ABLIM3: variants seen among roughly 807,000 people sequenced by gnomAD.
ABLIM3 encodes the protein actin-binding LIM protein 3.
Under a neutral mutation model 109.5 loss-of-function variants are expected in ABLIM3, and 61 were observed. The observed-to-expected ratio is 0.56, with a 90% CI of 0.45 to 0.69. The LOEUF is 0.69. Among genes scored for constraint, ABLIM3 ranks in the 30% least tolerant of loss-of-function variants. ABLIM3 has a pLI of 0.00. For synonymous variants in ABLIM3, 300 were observed against 324.8 expected (o/e 0.92, Z 0.82); for missense variants, 796 against 889.5 (o/e 0.89, Z 1.34).
At chr5:149,220,670 G>A (rs1273425175) in intron 8 of ABLIM3, 1 of 152,176 alleles carries the variant, frequency 6.6e-6, no homozygotes, top group Non-Finnish European at 1.5e-5. Context: ...AGAAAACCCT[G>A]CTCCTGGGTA....
chr5:149,175,060 A>G (rs1755800391), intron 2 of ABLIM3, among the ~76,000 whole-genome samples: 1 of 152,218 alleles, frequency 6.6e-6, no homozygotes, highest in Admixed American at 6.5e-5. Flanking sequence ...AGCAGTGACA[A>G]GAGAGTATGT....
intron 8 of ABLIM3, 62 bp downstream of exon 8, chr5:149,217,108 A>G: frequency 1.4e-6 from 2 of 1,458,466 alleles, no homozygotes; most frequent in Admixed American, 3.5e-5. Flanking sequence ...AGGAGATGCG[A>G]TCTTCAGGTT....
At chr5:149,154,055 AG>A (rs1352959870) in intron 2 of ABLIM3, among the ~76,000 whole-genome samples, 1 of 152,234 alleles carries the variant, frequency 6.6e-6, no homozygotes, top group Non-Finnish European at 1.5e-5. Flanking sequence ...CCAGGCCAGC[AG>A]GGCCGATGAA....
At chr5:149,206,939 G>A (rs1371696828) in intron 5 of ABLIM3, 69 bp from the exon 6 acceptor site, 27 of 1,560,356 alleles carry the variant, frequency 1.7e-5, no homozygotes, top group Middle Eastern at 1.7e-4. Context: ...TTTCCTTGAC[G>A]TGGGCCTGAG....
At chr5:149,146,716 A>G (rs1210421048) in intron 2 of ABLIM3, among the ~76,000 whole-genome samples, 1 of 152,198 alleles carries the variant, frequency 6.6e-6, no homozygotes, top group African/African-American at 2.4e-5. Flanking sequence ...TGGTTACTGT[A>G]GCCTTATAAT....
Position 149,142,041 on chromosome 5 carries a change from A to T in ABLIM3, c.-55A>T, listed in dbSNP as rs373338107. ...GTGAGGTTCGAAGAACGGAAGATTT[A>T]AAAAGCAGCCGGGGCCTCCGTATTG... On this transcript the variant is annotated 5_prime_UTR_variant, in exon 2 of 24. Coordinates refer to ENST00000309868, the MANE Select transcript of ABLIM3 (RefSeq NM_014945.5). 6.2e-7 allele frequency: 1 copy of T among 1,613,938 alleles called. No homozygotes were observed. Among genetic ancestry groups the T allele is most frequent in the Non-Finnish European group, 8.5e-7 (1 of 1,179,950 alleles).
At chr5:149,174,001 A>G (rs560433506) in intron 2 of ABLIM3, among the ~76,000 whole-genome samples, 92 of 148,446 alleles carry the variant, frequency 6.2e-4, no homozygotes, top group African/African-American at 2.1e-3. Flanking sequence ...CAGCCTGGGC[A>G]ACAGAGCGAG....
chr5:149,208,903 T>C (rs962213236), intron 6 of ABLIM3, among the ~76,000 whole-genome samples: 5 of 152,154 alleles, frequency 3.3e-5, no homozygotes, highest in Non-Finnish European at 7.4e-5. Flanking sequence ...GAGAGTTCCA[T>C]GGAAGGTGGG....
chr5:149,172,597 G>A (rs1432741438), intron 2 of ABLIM3, among the ~76,000 whole-genome samples: 1 of 152,198 alleles, frequency 6.6e-6, no homozygotes, highest in African/African-American at 2.4e-5. Context: ...TCATCTATCT[G>A]TCTGGATGCA....
chr5:149,240,417 G>A lies in ABLIM3; in HGVS notation c.1205-259G>A, dbSNP rs184279890. On this transcript the variant is annotated intron_variant, in intron 13 of 23. Transcript: ENST00000309868. ...GTTCAAACTAACATGCCTTCCTGGA[G>A]CTCAGTAGAGTTGATCTTTACATCT... is the stretch of plus-strand genomic sequence containing the variant. 8.5e-5 allele frequency: 46 copies of A among 540,758 alleles called. 1 individual carries two copies. In the East Asian group the frequency reaches 9.3e-4, roughly 11 times the overall value. The allele number at this position is 540,758 out of a possible 1,614,324, so 33.5% of individuals were successfully genotyped here.
At chr5:149,238,223 G>A (rs900777166) in intron 11 of ABLIM3, among the ~76,000 whole-genome samples, 3 of 152,168 alleles carry the variant, frequency 2.0e-5, no homozygotes, top group African/African-American at 7.2e-5. Flanking sequence ...AGGGTTGGGG[G>A]CAGAATTACC....
chr5:149,147,363 A>G lies in ABLIM3; in HGVS notation c.13+5255A>G, dbSNP rs1213636643. Among the ~76,000 whole-genome samples the G allele has an allele frequency of 2.6e-5, 4 of 152,090 alleles. 1 individual carries two copies. Among genetic ancestry groups the G allele is most frequent in the Admixed American group, 1.3e-4 (2 of 15,270 alleles). The stretch of plus-strand genomic sequence containing the variant: ...TTCATTCCGTTTATGTGGCGAATCA[A>G]TTTATTGATTTGTGTATATTGAACC... On this transcript the variant is annotated intron_variant, in intron 2 of 23. Transcript: ENST00000309868.
chr5:149,150,997 G>T (rs1753379906), intron 2 of ABLIM3, among the ~76,000 whole-genome samples: 1 of 152,194 alleles, frequency 6.6e-6, no homozygotes, highest in Non-Finnish European at 1.5e-5. Flanking sequence ...CATAACAAAG[G>T]TTTCTGAAAT....
chr5:149,258,554 G>A lies in ABLIM3; in HGVS notation c.*150G>A, dbSNP rs553943882. Reference sequence around the variant, plus strand: ...TACTGTCAGGCAAGCCCACGTCATCGAGATATTTTTATGCTCCTTACTTTC... The same window carrying A: ...TACTGTCAGGCAAGCCCACGTCATCAAGATATTTTTATGCTCCTTACTTTC... On this transcript the variant is annotated 3_prime_UTR_variant, in exon 24 of 24. Transcript: ENST00000309868. 249 of 1,394,462 alleles carry A rather than the reference G, an allele frequency of 1.8e-4. 1 individual carries two copies. The highest frequency in any genetic ancestry group is 1.3e-3 in the Middle Eastern group (5 of 3,762). 86.4% of individuals were successfully genotyped at this position (1,394,462 alleles called of 1,614,324 possible).
At chr5:149,248,076 G>A (rs1404092020) in intron 18 of ABLIM3, 147 bp downstream of exon 18, 1 of 1,032,754 alleles carries the variant, frequency 9.7e-7, no homozygotes, top group Non-Finnish European at 1.4e-6. Context: ...CCTGTGGTGG[G>A]TGACTTGCCC....
intron 3 of ABLIM3, among the ~76,000 whole-genome samples, chr5:149,184,976 T>C (rs1756814994): frequency 6.6e-6 from 1 of 152,216 alleles, no homozygotes; most frequent in Non-Finnish European, 1.5e-5. Context: ...TTAGTATAAG[T>C]TGAATTGCAA....
intron 2 of ABLIM3, among the ~76,000 whole-genome samples, chr5:149,176,099 G>A (rs1442830740): frequency 2.6e-5 from 4 of 152,162 alleles, no homozygotes; most frequent in Non-Finnish European, 5.9e-5. Flanking sequence ...GGTTCCCAGA[G>A]GACTCGTACT....
intron 5 of ABLIM3, among the ~76,000 whole-genome samples, chr5:149,203,677 C>T (rs1255329311): frequency 6.8e-6 from 1 of 147,270 alleles, no homozygotes; most frequent in Non-Finnish European, 1.5e-5. Context: ...ATCGCCAGCA[C>T]CAGCAGCATC....
intron 2 of ABLIM3, among the ~76,000 whole-genome samples, chr5:149,146,360 T>C (rs1248159062): frequency 6.6e-6 from 1 of 152,218 alleles, no homozygotes; most frequent in African/African-American, 2.4e-5. Flanking sequence ...TACAATTGCT[T>C]GCAAGGACTT....
Sources: allele counts gnomAD v4.1 joint callset (sites outside exome capture counted in the v4.1 genomes callset), GRCh38; gene constraint gnomAD v4.1.1; transcripts MANE v1.5; gene names NCBI Gene and HGNC (gene_info 2026-07-23, HGNC 2026-07-21).